MAGI2: variants seen among roughly 807,000 people sequenced by gnomAD.
MAGI2 encodes the protein membrane associated guanylate kinase, WW and PDZ domain containing 2, also known as membrane-associated guanylate kinase, WW and PDZ domain-containing protein 2.
In MAGI2, 35 loss-of-function variants were observed where a neutral mutation model predicts 133.3. That is an observed-to-expected ratio of 0.26 (90% confidence interval 0.20 to 0.35). The LOEUF is 0.35. MAGI2 is among the 10% of genes least tolerant of loss of function. The probability of loss-of-function intolerance (pLI) is 1.00; values close to 1 mark genes in which losing one functional copy is unlikely to be tolerated. For synonymous variants in MAGI2, 729 were observed against 710.6 expected (o/e 1.03, Z -0.41); for missense variants, 1,636 against 1,863.4 (o/e 0.88, Z 2.25).
At chr7:78,839,612 G>A (rs1791948043) in intron 2 of MAGI2, among the ~76,000 whole-genome samples, 1 of 151,990 alleles carries the variant, frequency 6.6e-6, no homozygotes, top group Non-Finnish European at 1.5e-5. Flanking sequence ...AAGATGGCAG[G>A]AGAGAGAAGA....
In MAGI2 at chr7:78,504,366, C is replaced by A. The variant is rs1368076347; in HGVS notation, c.755-2579G>T. 2.0e-5 allele frequency among the ~76,000 whole-genome samples: 3 copies of A among 152,142 alleles called. No individual in the cohort carries two copies. The South Asian group carries it at 6.2e-4, about 32-fold the overall frequency. On this transcript the variant is annotated intron_variant, in intron 4 of 21. Coordinates refer to ENST00000354212, the MANE Select transcript of MAGI2 (RefSeq NM_012301.4). ...ATGTTTACTGAGCTATTCATGGATTCATTTACCCCACATTTAGTTTTTCTG... is the reference window on the plus strand; with the variant it reads ...ATGTTTACTGAGCTATTCATGGATTAATTTACCCCACATTTAGTTTTTCTG...
chr7:78,479,528 A>G (rs1338074886), intron 6 of MAGI2, among the ~76,000 whole-genome samples: 1 of 151,964 alleles, frequency 6.6e-6, no homozygotes, highest in African/African-American at 2.4e-5. Context: ...CTCCCAAGTC[A>G]GGAGAACTAA....
chr7:79,108,024 T>C (rs1300280495), intron 1 of MAGI2, among the ~76,000 whole-genome samples: 1 of 152,168 alleles, frequency 6.6e-6, no homozygotes, highest in Non-Finnish European at 1.5e-5. Context: ...ATGGAAAAGG[T>C]AAAATACCTG....
chr7:79,353,479 G>A (rs549624845), intron 1 of MAGI2: 13 of 455,966 alleles, frequency 2.9e-5, no homozygotes, highest in East Asian at 1.4e-4. Context: ...ACTGGCACCC[G>A]CCCTGGTGTG....
At chr7:78,392,245 G>A (rs1795960019) in intron 6 of MAGI2, among the ~76,000 whole-genome samples, 2 of 152,174 alleles carry the variant, frequency 1.3e-5, no homozygotes, top group South Asian at 4.1e-4. Context: ...TCACAATAAA[G>A]CTGCCTTAAT....
At chr7:79,225,673 T>A (rs570506619) in intron 1 of MAGI2, among the ~76,000 whole-genome samples, 4 of 152,312 alleles carry the variant, frequency 2.6e-5, no homozygotes, top group Admixed American at 2.0e-4. Flanking sequence ...AGCAAATTTT[T>A]AAAATCTCAA....
At chr7:78,948,565 A>G (rs1356657141) in intron 2 of MAGI2, among the ~76,000 whole-genome samples, 1 of 152,114 alleles carries the variant, frequency 6.6e-6, no homozygotes, top group Non-Finnish European at 1.5e-5. Flanking sequence ...GTATTTATTG[A>G]CAGAATGTTA....
chr7:78,506,244 C>A (rs185240551), intron 4 of MAGI2, among the ~76,000 whole-genome samples: 1 of 152,028 alleles, frequency 6.6e-6, no homozygotes, highest in East Asian at 1.9e-4. Flanking sequence ...TGGTGGGTGG[C>A]AAGGCTTTTC....
intron 1 of MAGI2, among the ~76,000 whole-genome samples, chr7:79,081,907 T>A (rs1304241276): frequency 6.6e-6 from 1 of 152,142 alleles, no homozygotes; most frequent in Non-Finnish European, 1.5e-5. Flanking sequence ...TTGGTCCTAC[T>A]TTTTGGCTAT....
Position 78,019,810 on chromosome 7 carries a change from T to A in MAGI2, c.3873A>T (p.Glu1291Asp). The A allele has an allele frequency of 6.2e-7, 1 of 1,613,404 alleles. No individual in the cohort carries two copies. The highest frequency in any genetic ancestry group is 8.5e-7 in the Non-Finnish European group (1 of 1,179,886). ...GCTCCTTTGGTTTCCTAACGTCGTGTTCCCGTTTGATATCCCAAGTTGGGC... is the reference window on the plus strand; with the variant it reads ...GCTCCTTTGGTTTCCTAACGTCGTGATCCCGTTTGATATCCCAAGTTGGGC... ...SPGPTWDIKR[E>D]HDVRKPKELS... The change falls in exon 22 of 22, where the codon GAA becomes GAT. Residue 1291 changes from glutamate (E) to aspartate (D), a missense_variant. By Grantham distance (45) the Glu-to-Asp change is conservative (BLOSUM62 2). Transcript: ENST00000354212.
intron 2 of MAGI2, among the ~76,000 whole-genome samples, chr7:78,774,096 C>T (rs762948387): frequency 1.3e-5 from 2 of 152,098 alleles, no homozygotes; most frequent in Non-Finnish European, 2.9e-5. Context: ...GTAGTGTTTG[C>T]TGAGTACCAG....
rs187873415 is a variant in MAGI2, at chr7:78,755,016, T to C, written c.419-127777A>G. ...TATTATGAAAAATGTATTATAAAGC[T>C]CGGAATTTGCTTTCATATGCACTGA... is the stretch of plus-strand genomic sequence containing the variant. On this transcript the variant is annotated intron_variant, in intron 2 of 21. Transcript: ENST00000354212. Among the ~76,000 whole-genome samples the C allele has an allele frequency of 8.5e-5, 13 of 152,324 alleles. No homozygotes were observed. The East Asian group carries it at 1.9e-3, about 23-fold the overall frequency.
chr7:79,133,968 T>A lies in MAGI2; in HGVS notation c.302-126762A>T, dbSNP rs77594514. Among the ~76,000 whole-genome samples the A allele has an allele frequency of 3.7e-3, 558 of 152,320 alleles. 3 individuals carry two copies. Among genetic ancestry groups the A allele is most frequent in the African/African-American group, 0.013 (521 of 41,574 alleles). ...GTCTTTATAGAGCCTCACAATTTCA[T>A]CTCTTCTGTTGCATCAATTGTATAA... is the stretch of plus-strand genomic sequence containing the variant. On this transcript the variant is annotated intron_variant, in intron 1 of 21. Transcript: ENST00000354212.
intron 2 of MAGI2, among the ~76,000 whole-genome samples, chr7:78,862,282 A>G (rs562265362): frequency 6.6e-6 from 1 of 152,326 alleles, no homozygotes; most frequent in Admixed American, 6.5e-5. Flanking sequence ...AAACACAAAG[A>G]TGATCTCCCA....
chr7:78,459,537 A>G (rs1789735003), intron 6 of MAGI2, among the ~76,000 whole-genome samples: 1 of 152,202 alleles, frequency 6.6e-6, no homozygotes, highest in Non-Finnish European at 1.5e-5. Flanking sequence ...CTGATATGGG[A>G]CATATTCCAC....
At chr7:78,880,474 C>A (rs1194828910) in intron 2 of MAGI2, among the ~76,000 whole-genome samples, 1 of 152,132 alleles carries the variant, frequency 6.6e-6, no homozygotes, top group Admixed American at 6.5e-5. Flanking sequence ...TCCCCCCAAA[C>A]TAAGCTTTGT....
chr7:79,008,585 G>A (rs957406579), intron 1 of MAGI2, among the ~76,000 whole-genome samples: 32 of 152,054 alleles, frequency 2.1e-4, no homozygotes, highest in African/African-American at 7.7e-4. Context: ...ATATGATAGT[G>A]GAAATCAAAT....
At chr7:78,539,768 G>T (rs968727689) in intron 3 of MAGI2, among the ~76,000 whole-genome samples, 1 of 152,202 alleles carries the variant, frequency 6.6e-6, no homozygotes, top group Non-Finnish European at 1.5e-5. Flanking sequence ...CTCGGCCATG[G>T]ATACCAACAC....
At chr7:79,109,703 G>T (rs918975805) in intron 1 of MAGI2, among the ~76,000 whole-genome samples, 1 of 152,174 alleles carries the variant, frequency 6.6e-6, no homozygotes, top group Admixed American at 6.5e-5. Flanking sequence ...TTGTTAGAGA[G>T]ATTTGCATAA....
Sources: gnomAD v4.1 joint callset for allele counts (sites outside exome capture counted in the v4.1 genomes callset) on GRCh38, gnomAD v4.1.1 for gene constraint, MANE v1.5 for transcripts, NCBI Gene and HGNC (gene_info 2026-07-23, HGNC 2026-07-21) for gene names.